XPO6: variants seen among roughly 807,000 people sequenced by gnomAD.
The protein encoded by XPO6 is exportin-6.
A neutral mutation model predicts 130.0 loss-of-function variants in XPO6; 3 were observed. The observed-to-expected ratio is 0.02, with a 90% CI of 0.01 to 0.06. The LOEUF is 0.06. Among genes scored for constraint, XPO6 ranks in the 10% least tolerant of loss-of-function variants. The probability of loss-of-function intolerance (pLI) is 1.00; values close to 1 mark genes in which losing one functional copy is unlikely to be tolerated. For synonymous variants in XPO6, 524 were observed against 548.9 expected (o/e 0.95, Z 0.63); for missense variants, 970 against 1,393.0 (o/e 0.70, Z 4.83).
At chr16:28,155,140 T>C (rs752184790) in intron 7 of XPO6, among the ~76,000 whole-genome samples, 11 of 152,226 alleles carry the variant, frequency 7.2e-5, no homozygotes, top group Non-Finnish European at 1.6e-4. Context: ...TGATTTTATA[T>C]TCTGCTATTT....
intron 17 of XPO6, 57 bp downstream of exon 17, chr16:28,111,760 A>G (rs2141247981): frequency 6.3e-7 from 1 of 1,580,316 alleles, no homozygotes; most frequent in Non-Finnish European, 8.6e-7. Flanking sequence ...CATCTGCCAC[A>G]AAGAACAATG....
intron 18 of XPO6, 115 bp downstream of exon 18, chr16:28,107,407 C>T (rs2086809388): frequency 2.4e-6 from 3 of 1,262,162 alleles, no homozygotes; most frequent in Non-Finnish European, 3.3e-6. Context: ...GGTTTCGTTG[C>T]ACGGAACAAG....
intron 5 of XPO6, among the ~76,000 whole-genome samples, chr16:28,168,931 A>C (rs1485201742): frequency 6.6e-6 from 1 of 152,192 alleles, no homozygotes; most frequent in Non-Finnish European, 1.5e-5. Flanking sequence ...ACTTTAAATC[A>C]ATGGTTCTTT....
At chr16:28,167,995 T>C (rs76637045) in intron 5 of XPO6, among the ~76,000 whole-genome samples, 3,316 of 152,164 alleles carry the variant, frequency 0.022, 108 homozygotes, top group African/African-American at 0.075. Context: ...GTGATGACAA[T>C]GTTCTGGAAT....
At chr16:28,202,477 C>T (rs2043969093) in intron 1 of XPO6, among the ~76,000 whole-genome samples, 1 of 152,088 alleles carries the variant, frequency 6.6e-6, no homozygotes, top group African/African-American at 2.4e-5. Context: ...ACAATGACAG[C>T]TTGATCAAAG....
At chr16:28,157,728 C>G (rs2043206349) in intron 6 of XPO6, among the ~76,000 whole-genome samples, 2 of 152,202 alleles carry the variant, frequency 1.3e-5, no homozygotes, top group South Asian at 4.1e-4. Flanking sequence ...TCAGAAAAAG[C>G]AAATTAAAAG....
At chr16:28,191,733 A>T (rs1260891953) in intron 1 of XPO6, among the ~76,000 whole-genome samples, 1 of 152,196 alleles carries the variant, frequency 6.6e-6, no homozygotes. Flanking sequence ...GGTTTTAAGG[A>T]TGATGAATGA....
intron 6 of XPO6, among the ~76,000 whole-genome samples, chr16:28,165,704 G>A (rs1451770394): frequency 6.6e-6 from 1 of 152,152 alleles, no homozygotes; most frequent in Non-Finnish European, 1.5e-5. Context: ...TTGAAATAAA[G>A]GAGAAGATGT....
chr16:28,133,956 T>TC, intron 10 of XPO6, 23 bp from the exon 11 acceptor site: 1 of 1,612,668 alleles, frequency 6.2e-7, no homozygotes, highest in Non-Finnish European at 8.5e-7. Context: ...CACAGGAGAA[T>TC]CAGCTCTCCC....
chr16:28,151,037 C>A (rs190734837), intron 8 of XPO6, among the ~76,000 whole-genome samples: 1 of 151,928 alleles, frequency 6.6e-6, no homozygotes, highest in Non-Finnish European at 1.5e-5. Flanking sequence ...ACCACTGGGT[C>A]CTCTTCTATT....
chr16:28,160,184 TAAAAAAAAAAAAA>T (rs56947792), intron 6 of XPO6, among the ~76,000 whole-genome samples: 3 of 76,130 alleles, frequency 3.9e-5, no homozygotes, highest in African/African-American at 5.9e-5. Context: ...GCCTCCGTCT[TAAAAAAAAAAAAA>T]AAAAAAAAAA....
intron 9 of XPO6, among the ~76,000 whole-genome samples, chr16:28,143,124 T>C (rs2042924431): frequency 6.6e-6 from 1 of 152,238 alleles, no homozygotes; most frequent in South Asian, 2.1e-4. Context: ...ACATGATCAA[T>C]GAGAAAAATT....
chr16:28,139,991 G>T (rs984252146), intron 9 of XPO6, among the ~76,000 whole-genome samples: 9 of 152,146 alleles, frequency 5.9e-5, no homozygotes, highest in Non-Finnish European at 1.3e-4. Flanking sequence ...CAGCACTTTG[G>T]GAGGCCAAGG....
rs542275056 is a variant in XPO6, at chr16:28,139,222, T to C, written c.1335-3898A>G. 2.0e-5 allele frequency among the ~76,000 whole-genome samples: 3 copies of C among 152,300 alleles called. No individual in the cohort carries two copies. In the East Asian group the frequency reaches 5.8e-4, roughly 29 times the overall value. Reference sequence around the variant, plus strand: ...AGACACAAGGGTTCTCTCCCTCCCTTTCCTCACATGCACACAAGAAAGGCC... The same window carrying C: ...AGACACAAGGGTTCTCTCCCTCCCTCTCCTCACATGCACACAAGAAAGGCC... On this transcript the variant is annotated intron_variant, in intron 9 of 23. Coordinates refer to ENST00000304658, the MANE Select transcript of XPO6 (RefSeq NM_015171.4).
intron 1 of XPO6, among the ~76,000 whole-genome samples, chr16:28,186,099 G>A (rs538941485): frequency 1.3e-5 from 2 of 152,140 alleles, no homozygotes; most frequent in East Asian, 3.9e-4. Context: ...AAACTTGGAA[G>A]AAGCAGAAGG....
chr16:28,134,825 G>T (rs1326165035), intron 10 of XPO6, among the ~76,000 whole-genome samples: 3 of 152,148 alleles, frequency 2.0e-5, no homozygotes, highest in Non-Finnish European at 4.4e-5. Flanking sequence ...TTTCATTCTA[G>T]CCTTATCGGT....
chr16:28,120,658 C>T (rs1031239425), intron 14 of XPO6, among the ~76,000 whole-genome samples: 1 of 152,172 alleles, frequency 6.6e-6, no homozygotes, highest in Non-Finnish European at 1.5e-5. Context: ...AGATGCTTTA[C>T]AACTTTCTCT....
In XPO6 at chr16:28,155,803, G is replaced by A. The variant is rs141798730; in HGVS notation, c.1097+271C>T. 5 of 656,192 alleles carry A rather than the reference G, an allele frequency of 7.6e-6. No homozygotes were observed. The East Asian group carries it at 1.4e-4, about 18-fold the overall frequency. 40.6% of individuals were successfully genotyped at this position (656,192 alleles called of 1,614,324 possible). ...GCAAATAGTAAGGAAAAGGGGGCAAGAGGAGTAGAAGGGAGGACAGGAGAT... is the reference window on the plus strand; with the variant it reads ...GCAAATAGTAAGGAAAAGGGGGCAAAAGGAGTAGAAGGGAGGACAGGAGAT... On this transcript the variant is annotated intron_variant, in intron 7 of 23. Transcript: ENST00000304658.
At chr16:28,210,689 C>G (rs1359998622) in intron 1 of XPO6, among the ~76,000 whole-genome samples, 1 of 152,124 alleles carries the variant, frequency 6.6e-6, no homozygotes, top group East Asian at 1.9e-4. Flanking sequence ...AAGTATCGGT[C>G]TAGAAAACGT....
Sources: gnomAD v4.1 joint callset for allele counts (sites outside exome capture counted in the v4.1 genomes callset) on GRCh38, gnomAD v4.1.1 for gene constraint, MANE v1.5 for transcripts, NCBI Gene and HGNC (gene_info 2026-07-23, HGNC 2026-07-21) for gene names.